Variants in AOAH observed in about 807,000 individuals in gnomAD.
AOAH encodes the protein acyloxyacyl hydrolase (neutrophil).
AOAH carries 64 observed loss-of-function variants against 92.2 expected under a neutral mutation model. The observed-to-expected ratio is 0.69, with a 90% CI of 0.57 to 0.86. The LOEUF is 0.86. Ranked by LOEUF, AOAH falls within the 40% of genes least tolerant of loss-of-function variation. The probability of loss-of-function intolerance (pLI) is 0.00; values close to 1 mark genes in which losing one functional copy is unlikely to be tolerated. For missense variants in AOAH, 656 were observed against 694.6 expected, an observed-to-expected ratio of 0.94 and a Z score of 0.62; for synonymous variants, 263 against 254.5, an observed-to-expected ratio of 1.03 and a Z score of -0.32.
At chr7:36,656,297 T>G (rs773127295) in intron 4 of AOAH, among the ~76,000 whole-genome samples, 9 of 152,240 alleles carry the variant, frequency 5.9e-5, no homozygotes, top group Non-Finnish European at 1.2e-4. Context: ...GCGAGGCCTT[T>G]GATACGACAT....
intron 15 of AOAH, among the ~76,000 whole-genome samples, chr7:36,546,667 G>A (rs1785821538): frequency 6.6e-6 from 1 of 152,228 alleles, no homozygotes; most frequent in South Asian, 2.1e-4. Context: ...TGGAGCCAGA[G>A]TCTCTTTCTG....
chr7:36,561,083 C>T (rs1787228993), intron 13 of AOAH, among the ~76,000 whole-genome samples: 2 of 151,210 alleles, frequency 1.3e-5, no homozygotes, highest in Admixed American at 1.3e-4. Context: ...CACTCTATCC[C>T]CCAGGCTGGA....
rs561471100 is a variant in AOAH, at chr7:36,697,893, G to A, written c.128-11099C>T. Among the ~76,000 whole-genome samples the A allele has an allele frequency of 8.3e-4, 127 of 152,308 alleles. 1 individual carries two copies. Among genetic ancestry groups the A allele is most frequent in the African/African-American group, 3.0e-3 (126 of 41,568 alleles). On this transcript the variant is annotated intron_variant, in intron 1 of 20. Transcript: ENST00000617537. ...AGAGGGAAAATGGCCAGGGGATGAT[G>A]TGGGTAGGACTGGAGTTACACAGCT...
chr7:36,673,764 G>C (rs1404030180), intron 3 of AOAH, among the ~76,000 whole-genome samples, 179 bp downstream of exon 3: 2 of 152,168 alleles, frequency 1.3e-5, no homozygotes, highest in African/African-American at 4.8e-5. Flanking sequence ...CCTTTGCGTA[G>C]AGTGACGAAG....
At chr7:36,641,726 G>A (rs1793934916) in intron 4 of AOAH, among the ~76,000 whole-genome samples, 1 of 152,074 alleles carries the variant, frequency 6.6e-6, no homozygotes, top group Non-Finnish European at 1.5e-5. Flanking sequence ...TAAACCTCAA[G>A]CTCTAGGTAG....
At chr7:36,624,367 A>G (rs1042588284) in intron 6 of AOAH, among the ~76,000 whole-genome samples, 1 of 152,194 alleles carries the variant, frequency 6.6e-6, no homozygotes, top group Non-Finnish European at 1.5e-5. Context: ...AGTTCTGAGA[A>G]CCTCAAGGCA....
intron 2 of AOAH, 23 bp downstream of exon 2, chr7:36,686,676 A>G: frequency 7.0e-7 from 1 of 1,430,252 alleles, no homozygotes. Flanking sequence ...GACCCTCAGC[A>G]GTATGACTCG....
At chr7:36,585,422 A>T (rs10951488) in intron 12 of AOAH, among the ~76,000 whole-genome samples, 13,650 of 152,244 alleles carry the variant, frequency 0.09, 692 homozygotes, top group African/African-American at 0.13. Context: ...TGGGAATATA[A>T]ATTGGTATAG....
chr7:36,621,308 G>T (rs1792262517), intron 8 of AOAH, among the ~76,000 whole-genome samples: 1 of 152,206 alleles, frequency 6.6e-6, no homozygotes, highest in East Asian at 1.9e-4. Flanking sequence ...ATTCATTAGA[G>T]GCTTCTCCTT....
chr7:36,705,463 A>G (rs148901823), intron 1 of AOAH, among the ~76,000 whole-genome samples: 9,041 of 152,222 alleles, frequency 0.059, 394 homozygotes, highest in South Asian at 0.12. Context: ...AATACAAACC[A>G]TTGCTCAAGG....
At chr7:36,596,467 G>A (rs1216103881) in intron 11 of AOAH, among the ~76,000 whole-genome samples, 2 of 152,158 alleles carry the variant, frequency 1.3e-5, no homozygotes, top group Non-Finnish European at 2.9e-5. Context: ...CGTTGCAGAT[G>A]TAACTAGTTA....
chr7:36,602,535 G>A (rs1790689986), intron 11 of AOAH, among the ~76,000 whole-genome samples: 1 of 148,308 alleles, frequency 6.7e-6, no homozygotes, highest in South Asian at 2.1e-4. Context: ...CTCCTCATAT[G>A]CAGAGATAAC....
intron 1 of AOAH, among the ~76,000 whole-genome samples, chr7:36,720,523 C>T (rs549962311): frequency 4.6e-5 from 7 of 152,284 alleles, no homozygotes; most frequent in Admixed American, 2.6e-4. Context: ...TCACCTTCCC[C>T]AGGTGGCTTT....
Position 36,640,457 on chromosome 7 carries a change from C to T in AOAH, c.391-2547G>A, listed in dbSNP as rs1371730704. On this transcript the variant is annotated intron_variant, in intron 4 of 20. Transcript: ENST00000617537. ...GCTACATGGGGAGTGAGGGAAGGGA[C>T]CCTAGGGTAGAATCCCACCAGCACC... 4.6e-5 allele frequency among the ~76,000 whole-genome samples: 7 copies of T among 152,218 alleles called. No homozygotes were observed. The East Asian group carries it at 1.4e-3, about 29-fold the overall frequency.
At chr7:36,657,404 A>G (rs1439764550) in intron 4 of AOAH, among the ~76,000 whole-genome samples, 1 of 152,182 alleles carries the variant, frequency 6.6e-6, no homozygotes, top group African/African-American at 2.4e-5. Flanking sequence ...TGGGAACAAA[A>G]CAAGATCAAG....
intron 3 of AOAH, among the ~76,000 whole-genome samples, chr7:36,671,158 T>C (rs1267696240): frequency 1.3e-5 from 2 of 152,178 alleles, no homozygotes; most frequent in Admixed American, 6.5e-5. Context: ...TTTTACTGTT[T>C]TCATACTTTT....
intron 3 of AOAH, among the ~76,000 whole-genome samples, chr7:36,668,797 T>C (rs1181895577): frequency 6.6e-6 from 1 of 152,258 alleles, no homozygotes; most frequent in Non-Finnish European, 1.5e-5. Flanking sequence ...CTGATCTTAC[T>C]TCTCTTAAAG....
At chr7:36,595,640 T>G (rs1790050669) in intron 11 of AOAH, among the ~76,000 whole-genome samples, 2 of 152,240 alleles carry the variant, frequency 1.3e-5, no homozygotes, top group African/African-American at 4.8e-5. Context: ...ATGCATGCAA[T>G]GGTTGGAACA....
chr7:36,685,277 C>T (rs904134982), intron 2 of AOAH, among the ~76,000 whole-genome samples: 2 of 152,074 alleles, frequency 1.3e-5, no homozygotes, highest in African/African-American at 2.4e-5. Context: ...CATTTAAATA[C>T]CGGGCAAGGT....
Sources: gnomAD v4.1 joint callset for allele counts (sites outside exome capture counted in the v4.1 genomes callset) on GRCh38, gnomAD v4.1.1 for gene constraint, MANE v1.5 for transcripts, NCBI Gene and HGNC (gene_info 2026-07-23, HGNC 2026-07-21) for gene names.